ANKFY1: variants seen among roughly 807,000 people sequenced by gnomAD.
ANKFY1 encodes ankyrin repeat and FYVE domain containing 1.
ANKFY1 carries 47 observed loss-of-function variants against 128.3 expected under a neutral mutation model. That is an observed-to-expected ratio of 0.37 (90% CI 0.29 to 0.47). The LOEUF is 0.47. Ranked by LOEUF, ANKFY1 falls within the 20% of genes least tolerant of loss-of-function variation. The probability of loss-of-function intolerance (pLI) is 1.00; values close to 1 mark genes in which losing one functional copy is unlikely to be tolerated. For synonymous variants in ANKFY1, 553 were observed against 601.6 expected, an observed-to-expected ratio of 0.92 and a Z score of 1.18; for missense variants, 1,222 against 1,510.6, an observed-to-expected ratio of 0.81 and a Z score of 3.17.
At chr17:4,202,588 A>T (rs1471377010) in intron 7 of ANKFY1, among the ~76,000 whole-genome samples, 4 of 118,060 alleles carry the variant, frequency 3.4e-5, no homozygotes, top group East Asian at 2.9e-4. Context: ...TCCCAGCTAC[A>T]CGGGAGGCTG....
chr17:4,169,339 C>G lies in ANKFY1; in HGVS notation c.3287-51G>C. ...CCCGTCAAACCGCGACGGCGCCACG[C>G]AAGCCCCAGGGCTTGGAGGCAGCAG... On this transcript the variant is annotated intron_variant, in intron 23 of 24. Transcript: ENST00000341657. This position sits in a 1 kb window ranked among gnomAD's most constrained non-coding sequence, Gnocchi z 5.0. 7.0e-7 allele frequency: 1 copy of G among 1,419,494 alleles called. No homozygotes were observed. The highest frequency in any genetic ancestry group is 9.7e-7 in the Non-Finnish European group (1 of 1,031,528). The allele number at this position is 1,419,494 out of a possible 1,614,324, so 87.9% of individuals were successfully genotyped here. A position where few individuals can be genotyped will look rare whatever the true frequency, so the allele number is the denominator to read the frequency against.
intron 1 of ANKFY1, among the ~76,000 whole-genome samples, chr17:4,254,684 T>C (rs1968022209): frequency 2.0e-5 from 3 of 152,180 alleles, no homozygotes; most frequent in Admixed American, 2.0e-4. Flanking sequence ...AACAAAAAAT[T>C]CTGTATAGTA....
intron 10 of ANKFY1, among the ~76,000 whole-genome samples, chr17:4,190,250 G>A (rs1158228227): frequency 2.0e-5 from 3 of 152,106 alleles, no homozygotes; most frequent in Non-Finnish European, 2.9e-5. Context: ...AGATCAGCCC[G>A]GCCGACATGG....
intron 23 of ANKFY1, among the ~76,000 whole-genome samples, chr17:4,170,353 G>A (rs1428713348): frequency 6.6e-6 from 1 of 152,202 alleles, no homozygotes; most frequent in Non-Finnish European, 1.5e-5. Context: ...ATAGGGGCTG[G>A]AGCAGCAGGC....
intron 1 of ANKFY1, among the ~76,000 whole-genome samples, chr17:4,252,468 C>A (rs1967890299): frequency 1.3e-5 from 2 of 151,966 alleles, no homozygotes; most frequent in African/African-American, 2.4e-5. Flanking sequence ...ACTTGAGAGG[C>A]TGAGATGGAA....
At chr17:4,243,850 G>A (rs377542840) in intron 1 of ANKFY1, among the ~76,000 whole-genome samples, 20 of 152,274 alleles carry the variant, frequency 1.3e-4, no homozygotes, top group East Asian at 1.2e-3. Context: ...TTCACGAGGC[G>A]CTGGGCGCTG....
chr17:4,261,356 T>A (rs1192809063), intron 1 of ANKFY1, among the ~76,000 whole-genome samples: 3 of 152,168 alleles, frequency 2.0e-5, no homozygotes, highest in African/African-American at 4.8e-5. Context: ...GGCGGGTGCC[T>A]GTAATCCCAG....
chr17:4,253,412 T>C (rs956759753), intron 1 of ANKFY1, among the ~76,000 whole-genome samples: 8 of 152,206 alleles, frequency 5.3e-5, no homozygotes, highest in African/African-American at 1.9e-4. Flanking sequence ...AACTGACAGT[T>C]TAAATTGGTA....
At chr17:4,227,781 G>A (rs2060448828) in intron 3 of ANKFY1, among the ~76,000 whole-genome samples, 1 of 152,088 alleles carries the variant, frequency 6.6e-6, no homozygotes, top group Non-Finnish European at 1.5e-5. Context: ...TTATTATCAG[G>A]GGAATGCAAA....
chr17:4,239,538 C>T (rs903073571), intron 2 of ANKFY1, among the ~76,000 whole-genome samples: 2 of 151,948 alleles, frequency 1.3e-5, no homozygotes, highest in Non-Finnish European at 2.9e-5. Context: ...TTTGCATCCT[C>T]GAAATTTTGA....
chr17:4,259,336 G>A (rs751300692), intron 1 of ANKFY1, among the ~76,000 whole-genome samples: 17 of 152,096 alleles, frequency 1.1e-4, no homozygotes, highest in African/African-American at 3.1e-4. Context: ...GCTGGAGTGC[G>A]GTGGCGCGAT....
chr17:4,224,942 T>TC (rs1491277120), intron 3 of ANKFY1, among the ~76,000 whole-genome samples: 30 of 130,232 alleles, frequency 2.3e-4, no homozygotes, highest in African/African-American at 1.1e-3. Context: ...TGAGTTGTCG[T>TC]TTTTTTTTTT....
In ANKFY1 at chr17:4,195,397, A is replaced by G; in HGVS notation, c.1172+6T>C. 1 of 1,613,782 alleles carries G rather than the reference A, an allele frequency of 6.2e-7. No homozygotes were observed. The highest frequency in any genetic ancestry group is 8.5e-7 in the Non-Finnish European group (1 of 1,179,824). ...CCTTCTCACTTGTGCGTGTCTCCCT[A>G]CGTACTGTTTGCACTGCAGCAGCTG... On this transcript the variant is annotated splice_donor_region_variant and intron_variant, in intron 9 of 24. Coordinates refer to ENST00000341657, the MANE Select transcript of ANKFY1 (RefSeq NM_001330063.2).
intron 9 of ANKFY1, 38 bp downstream of exon 9, chr17:4,195,365 A>G: frequency 6.3e-7 from 1 of 1,598,256 alleles, no homozygotes; most frequent in Non-Finnish European, 8.6e-7. Flanking sequence ...ATCCCCCCTC[A>G]CAACCGCCTT....
At chr17:4,193,549 C>T (rs537147072) in intron 10 of ANKFY1, among the ~76,000 whole-genome samples, 100 of 151,024 alleles carry the variant, frequency 6.6e-4, no homozygotes, top group African/African-American at 2.3e-3. Flanking sequence ...CACCTCAGCC[C>T]CCCAAGTAGC....
At position 4,197,481 on chromosome 17, in the gene ANKFY1, A is replaced by G; in HGVS notation, c.995T>C (p.Leu332Ser). The change falls in exon 8 of 25, where the codon TTG (leucine) becomes TCG (serine). Residue 332 changes from leucine (L) to serine (S), a missense_variant. Physicochemically the swap from Leu to Ser is moderately radical, Grantham distance 145. Coordinates refer to ENST00000341657, the MANE Select transcript of ANKFY1 (RefSeq NM_001330063.2). ...TGCTGAGTGTTTCTTTGAACTGTACAAGGCCACAAGGTGCAGTGGTGTCTC... is the reference window on the plus strand; with the variant it reads ...TGCTGAGTGTTTCTTTGAACTGTACGAGGCCACAAGGTGCAGTGGTGTCTC... ...AQETPLHLVALYSSKKHSADV... is the reference protein window; with the variant it reads ...AQETPLHLVASYSSKKHSADV... 1 of 1,614,190 alleles carries G rather than the reference A, an allele frequency of 6.2e-7. No homozygotes were observed. The highest frequency in any genetic ancestry group is 1.1e-5 in the South Asian group (1 of 91,086).
At chr17:4,238,956 G>A (rs112504685) in intron 2 of ANKFY1, among the ~76,000 whole-genome samples, 7 of 151,996 alleles carry the variant, frequency 4.6e-5, no homozygotes, top group Non-Finnish European at 1.0e-4. Context: ...ACAGAGTTTC[G>A]CCATTTGGCC....
intron 1 of ANKFY1, among the ~76,000 whole-genome samples, chr17:4,251,791 T>A (rs886533957): frequency 6.6e-6 from 1 of 151,986 alleles, no homozygotes; most frequent in Admixed American, 6.5e-5. Flanking sequence ...TCCCAGCACT[T>A]TGGGAGGCCA....
At chr17:4,234,187 T>C (rs979911210) in intron 3 of ANKFY1, among the ~76,000 whole-genome samples, 2 of 152,196 alleles carry the variant, frequency 1.3e-5, no homozygotes, top group African/African-American at 4.8e-5. Flanking sequence ...GGCTATACCA[T>C]GTAGATTTGT....
Sources: allele counts gnomAD v4.1 joint callset (sites outside exome capture counted in the v4.1 genomes callset), GRCh38; gene constraint gnomAD v4.1.1; non-coding constraint Gnocchi (gnomAD v3.1); transcripts MANE v1.5; gene names NCBI Gene and HGNC (gene_info 2026-07-23, HGNC 2026-07-21).